ALS2: variants seen among roughly 807,000 people sequenced by gnomAD.
The protein encoded by ALS2 is alsin.
ALS2 carries 117 observed loss-of-function variants against 203.4 expected under a neutral mutation model. The observed-to-expected ratio is 0.58, with a 90% CI of 0.50 to 0.67. ALS2 has a LOEUF of 0.67. Ranked by LOEUF, ALS2 falls within the 30% of genes least tolerant of loss-of-function variation. The pLI is 0.00. For missense variants in ALS2, 1,715 were observed against 1,989.4 expected, an observed-to-expected ratio of 0.86 and a Z score of 2.62; for synonymous variants, 718 against 725.9, an observed-to-expected ratio of 0.99 and a Z score of 0.17.
chr2:201,771,655 C>G (rs1324010808), intron 1 of ALS2, among the ~76,000 whole-genome samples: 1 of 152,198 alleles, frequency 6.6e-6, no homozygotes, highest in African/African-American at 2.4e-5. Context: ...ATGATTGTCT[C>G]TCCAGGAAAT....
At position 201,723,857 on chromosome 2, in the gene ALS2, C is replaced by T. The variant is rs181535486; in HGVS notation, c.3513-416G>A. Among the ~76,000 whole-genome samples the T allele has an allele frequency of 7.3e-3, 1,108 of 152,302 alleles. 11 individuals are homozygous for T. Among genetic ancestry groups the T allele is most frequent in the African/African-American group, 0.026 (1,077 of 41,560 alleles). ...AGAGGCTGGATTCGGTGGCTCATGCCTATAATCCCAGCACTTTGGGAGGCA... is the reference window on the plus strand; with the variant it reads ...AGAGGCTGGATTCGGTGGCTCATGCTTATAATCCCAGCACTTTGGGAGGCA... On this transcript the variant is annotated intron_variant, in intron 21 of 33. Coordinates refer to ENST00000264276, the MANE Select transcript of ALS2 (RefSeq NM_020919.4).
chr2:201,723,760 T>TA (rs1285667554), intron 21 of ALS2, among the ~76,000 whole-genome samples: 11 of 152,190 alleles, frequency 7.2e-5, no homozygotes, highest in African/African-American at 2.7e-4. Context: ...TAATTTCATT[T>TA]AAAATGTAAT....
At chr2:201,762,212 G>GAC (rs1693811238) in intron 3 of ALS2, among the ~76,000 whole-genome samples, 1 of 152,092 alleles carries the variant, frequency 6.6e-6, no homozygotes, top group African/African-American at 2.4e-5. Flanking sequence ...AGACAAAACA[G>GAC]ACACATTCAC....
At chr2:201,769,420 A>G (rs1445579456) in intron 1 of ALS2, among the ~76,000 whole-genome samples, 1 of 152,236 alleles carries the variant, frequency 6.6e-6, no homozygotes, top group Non-Finnish European at 1.5e-5. Context: ...TCAGTAATGC[A>G]CAAAAATTAT....
rs1317051984 is a variant in ALS2, at chr2:201,723,436, TC to T, written c.3517del (p.Glu1173LysfsTer35). On this transcript the variant is annotated frameshift_variant, in exon 22 of 34. Coordinates refer to ENST00000264276, the MANE Select transcript of ALS2 (RefSeq NM_020919.4). LOFTEE classifies it high-confidence loss of function. ...ATCTTGCCACATTCCCATATACTTT[TC>T]CCCCCTGCACAGAAATAAAAAGAAA... Reference protein sequence around the residue: ...YGVFDDITRGEKYMGMWQDDV... With the variant: ...YGVFDDITRGXKYMGMWQDDV... 1 of 1,611,602 alleles carries T rather than the reference TC, an allele frequency of 6.2e-7. No individual in the cohort carries two copies. Among genetic ancestry groups the T allele is most frequent in the Non-Finnish European group, 8.5e-7 (1 of 1,178,026 alleles).
intron 1 of ALS2, among the ~76,000 whole-genome samples, chr2:201,769,532 G>C (rs989020622): frequency 6.6e-6 from 1 of 152,168 alleles, no homozygotes; most frequent in African/African-American, 2.4e-5. Context: ...ACGGTTGAAA[G>C]AAAGAAGTCT....
At chr2:201,738,388 G>C (rs1692021717) in intron 12 of ALS2, 1 of 451,154 alleles carries the variant, frequency 2.2e-6, no homozygotes, top group Admixed American at 3.6e-5. Flanking sequence ...AAGAACACTA[G>C]GCCTACTGAG....
chr2:201,746,809 C>A, intron 8 of ALS2, 61 bp from the exon 9 acceptor site: 18 of 1,588,446 alleles, frequency 1.1e-5, no homozygotes, highest in Non-Finnish European at 1.6e-5. Flanking sequence ...AACTTCGGAT[C>A]CACAGGAACT....
intron 4 of ALS2, among the ~76,000 whole-genome samples, chr2:201,758,925 T>C (rs531186410): frequency 6.6e-6 from 1 of 152,250 alleles, no homozygotes; most frequent in African/African-American, 2.4e-5. Context: ...TCCATGCAAA[T>C]TAGTCTGTAA....
Position 201,723,023 on chromosome 2 carries a change from A to C in ALS2, c.3702+20T>G, listed in dbSNP as rs200587972. 1.9e-5 allele frequency: 29 copies of C among 1,565,234 alleles called. No homozygotes were observed. Among genetic ancestry groups the C allele is most frequent in the African/African-American group, 1.8e-4 (13 of 72,908 alleles). On this transcript the variant is annotated intron_variant, in intron 23 of 33. Transcript: ENST00000264276. ...AAAAGAATTTATTAGGGAGAAAAAAAAAGAAAGCTAGTTTCCAACCTTTCC... is the reference window on the plus strand; with the variant it reads ...AAAAGAATTTATTAGGGAGAAAAAACAAGAAAGCTAGTTTCCAACCTTTCC...
intron 7 of ALS2, among the ~76,000 whole-genome samples, chr2:201,751,883 C>A (rs943745508): frequency 6.6e-6 from 1 of 152,162 alleles, no homozygotes; most frequent in African/African-American, 2.4e-5. Context: ...ACTACATTTA[C>A]CGGATACTCA....
At chr2:201,771,413 C>G (rs916564856) in intron 1 of ALS2, among the ~76,000 whole-genome samples, 1 of 152,082 alleles carries the variant, frequency 6.6e-6, no homozygotes, top group African/African-American at 2.4e-5. Flanking sequence ...CAACAAGATA[C>G]GTCTGCCTGA....
At chr2:201,719,901 C>A (rs1462863306) in intron 23 of ALS2, 1 of 213,538 alleles carries the variant, frequency 4.7e-6, no homozygotes, top group East Asian at 1.7e-4. Flanking sequence ...CAAAAAGTAC[C>A]AAAACTGACT....
At position 201,735,509 on chromosome 2, in the gene ALS2, C is replaced by T. The variant is rs544958970; in HGVS notation, c.2418-2071G>A. On this transcript the variant is annotated intron_variant, in intron 12 of 33. Coordinates refer to ENST00000264276, the MANE Select transcript of ALS2 (RefSeq NM_020919.4). ...TCATCATCCAAGATCCACTAACAGC[C>T]ATGTGGGCAGCCTAGCTGTGCTTTA... 3.3e-5 allele frequency among the ~76,000 whole-genome samples: 5 copies of T among 152,306 alleles called. No homozygotes were observed. The South Asian group carries it at 8.3e-4, about 25-fold the overall frequency.
chr2:201,719,517 A>C (rs937506228), intron 23 of ALS2, among the ~76,000 whole-genome samples: 2 of 152,170 alleles, frequency 1.3e-5, no homozygotes, highest in Non-Finnish European at 2.9e-5. Context: ...TGAACCCAGG[A>C]GGTGGAGGTT....
chr2:201,720,476 G>A (rs960646253), intron 23 of ALS2, among the ~76,000 whole-genome samples: 1 of 150,740 alleles, frequency 6.6e-6, no homozygotes, highest in Non-Finnish European at 1.5e-5. Context: ...GCCGAGGTGG[G>A]TGGATTGCTT....
chr2:201,760,599 A>G (rs2106086686), intron 4 of ALS2: 1 of 1,214,386 alleles, frequency 8.2e-7, no homozygotes, highest in East Asian at 3.9e-5. Flanking sequence ...TTAGCCATAG[A>G]AAAAAAGTAC....
At chr2:201,754,377 G>T in intron 6 of ALS2, 126 bp downstream of exon 6, 1 of 1,175,846 alleles carries the variant, frequency 8.5e-7, no homozygotes, top group Non-Finnish European at 1.3e-6. Flanking sequence ...AGTTAATGGT[G>T]TGTAATAATC....
At chr2:201,737,922 A>C (rs1026633480) in intron 12 of ALS2, among the ~76,000 whole-genome samples, 3 of 140,940 alleles carry the variant, frequency 2.1e-5, no homozygotes, top group African/African-American at 7.7e-5. Flanking sequence ...ACCCCGTCTC[A>C]AAAAAAAAAA....
Sources: allele counts gnomAD v4.1 joint callset (sites outside exome capture counted in the v4.1 genomes callset), GRCh38; gene constraint gnomAD v4.1.1; transcripts MANE v1.5; gene names NCBI Gene and HGNC (gene_info 2026-07-23, HGNC 2026-07-21).